ABCA13: variants seen among roughly 807,000 people sequenced by gnomAD.
The protein encoded by ABCA13 is ATP binding cassette subfamily A member 13, also known as ATP-binding cassette sub-family A member 13.
ABCA13 carries 476 observed loss-of-function variants against 478.7 expected under a neutral mutation model. The observed-to-expected ratio is 0.99, with a 90% CI of 0.92 to 1.07. The LOEUF (loss-of-function observed/expected upper bound fraction) is 1.07, where lower values mean the gene tolerates loss of function less well. Among genes scored for constraint, ABCA13 ranks in the 50% least tolerant of loss-of-function variants. The pLI is 0.00. For synonymous variants in ABCA13, 2,252 were observed against 2,158.9 expected (o/e 1.04, Z -1.20); for missense variants, 6,060 against 5,910.6 (o/e 1.03, Z -0.83).
In ABCA13 at chr7:48,251,643, T is replaced by TA. The variant is rs958638472; in HGVS notation, c.2005+2300dup. Among the ~76,000 whole-genome samples the TA allele has an allele frequency of 3.9e-5, 6 of 151,900 alleles. No homozygotes were observed. In the South Asian group the frequency reaches 1.0e-3, roughly 26 times the overall value. ...ACTAGTCTTATTAAGAAACGGAATT[T>TA]AAAAAAAATATTTTTACTAAATATG... On this transcript the variant is annotated intron_variant, in intron 15 of 61. Transcript: ENST00000435803.
chr7:48,396,131 C>G (rs911672731), intron 38 of ABCA13, among the ~76,000 whole-genome samples: 1 of 152,196 alleles, frequency 6.6e-6, no homozygotes, highest in Non-Finnish European at 1.5e-5. Flanking sequence ...TATTACCCTC[C>G]CCTCCACTGC....
intron 3 of ABCA13, among the ~76,000 whole-genome samples, chr7:48,204,872 C>G (rs2128928899): frequency 6.6e-6 from 1 of 152,278 alleles, no homozygotes; most frequent in Admixed American, 6.5e-5. Flanking sequence ...TAGTGGAGAG[C>G]TGGCCCAGGA....
intron 5 of ABCA13, among the ~76,000 whole-genome samples, chr7:48,223,124 T>C (rs550131127): frequency 1.3e-5 from 2 of 152,220 alleles, no homozygotes; most frequent in African/African-American, 4.8e-5. Flanking sequence ...ACCTCAGTAA[T>C]TGGAAAAATG....
intron 1 of ABCA13, among the ~76,000 whole-genome samples, chr7:48,175,767 G>A (rs1330202251): frequency 1.3e-5 from 2 of 152,142 alleles, no homozygotes; most frequent in Admixed American, 6.5e-5. Flanking sequence ...TAGTCATATA[G>A]AGCACTGGAA....
intron 10 of ABCA13, among the ~76,000 whole-genome samples, chr7:48,242,719 G>T (rs191798502): frequency 3.9e-5 from 6 of 152,172 alleles, no homozygotes; most frequent in African/African-American, 9.7e-5. Context: ...AATTCCAGGC[G>T]TGAGCCACCG....
intron 20 of ABCA13, among the ~76,000 whole-genome samples, chr7:48,294,447 G>GTTTTTT (rs1321103452): frequency 3.0e-5 from 4 of 134,228 alleles, no homozygotes; most frequent in Admixed American, 7.5e-5. Flanking sequence ...TTTTTGTTTT[G>GTTTTTT]TTTTTTTTTT....
At chr7:48,457,673 A>G (rs1825820547) in intron 43 of ABCA13, among the ~76,000 whole-genome samples, 1 of 152,208 alleles carries the variant, frequency 6.6e-6, no homozygotes, top group Non-Finnish European at 1.5e-5. Context: ...TATGAAACAG[A>G]GACATTCACA....
chr7:48,234,172 C>T (rs983540467), intron 8 of ABCA13, 21 bp downstream of exon 8: 10 of 1,613,596 alleles, frequency 6.2e-6, no homozygotes, highest in African/African-American at 1.3e-5. Flanking sequence ...TTGACTGCTT[C>T]TCACACCGCT....
chr7:48,476,568 T>G (rs1030843830), intron 45 of ABCA13, among the ~76,000 whole-genome samples: 3 of 152,292 alleles, frequency 2.0e-5, no homozygotes, highest in South Asian at 2.1e-4. Context: ...GAGGGGTTAC[T>G]TACTCCAATG....
intron 29 of ABCA13, among the ~76,000 whole-genome samples, chr7:48,345,128 A>T (rs911681204): frequency 6.6e-6 from 1 of 152,230 alleles, no homozygotes; most frequent in South Asian, 2.1e-4. Context: ...AGAACAACAC[A>T]TTACTCACTT....
At chr7:48,240,592 T>A (rs1204215124) in intron 9 of ABCA13, among the ~76,000 whole-genome samples, 2 of 152,206 alleles carry the variant, frequency 1.3e-5, no homozygotes, top group Admixed American at 1.3e-4. Context: ...TTTAGAGGTG[T>A]ATGTTATTCC....
At chr7:48,413,832 A>AAACT (rs1819592472) in intron 41 of ABCA13, among the ~76,000 whole-genome samples, 1 of 152,244 alleles carries the variant, frequency 6.6e-6, no homozygotes, top group Non-Finnish European at 1.5e-5. Flanking sequence ...GGTTCCCCTG[A>AAACT]AACTCCGTAA....
rs202129234 is a variant in ABCA13, at chr7:48,273,586, A to C, written c.3920A>C (p.Asp1307Ala). ...YIVRNLDSIN[D>A]FLSNNLTNYG... is the part of the protein sequence containing the mutation. The stretch of plus-strand genomic sequence containing the variant: ...GTCAGAAATCTAGATTCAATAAATG[A>C]CTTTCTTTCAAATAATCTCACAAAT... The change falls in exon 17 of 62, where the codon GAC becomes GCC. Residue 1307 changes from aspartate (D) to alanine (A), a missense_variant. Physicochemically the swap from Asp to Ala is moderately radical, Grantham distance 126. Around this residue, in one of 3 missense-constraint regions of ABCA13, gnomAD observed 4,423 missense variants for 4,309.1 expected, o/e 1.03. Coordinates refer to ENST00000435803, the MANE Select transcript of ABCA13 (RefSeq NM_152701.5). 1 of 1,588,276 alleles carries C rather than the reference A, an allele frequency of 6.3e-7. No individual in the cohort carries two copies. The highest frequency in any genetic ancestry group is 1.3e-5 in the African/African-American group (1 of 74,670).
Position 48,295,843 on chromosome 7 carries a change from G to A in ABCA13, c.9099G>A (p.Thr3033=), listed in dbSNP as rs367935118. The change falls in exon 21 of 62, where the codon ACG becomes ACA. Residue 3033 remains threonine, a synonymous_variant. Coordinates refer to ENST00000435803, the MANE Select transcript of ABCA13 (RefSeq NM_152701.5). ...QDCTSQPRLE[T]VQQHLYMLAK... Reference sequence around the variant, plus strand: ...GCACAAGCCAGCCGAGGCTGGAGACGGTGCAGCAGCACTTGTACATGTATG... The same window carrying A: ...GCACAAGCCAGCCGAGGCTGGAGACAGTGCAGCAGCACTTGTACATGTATG... 1.9e-5 allele frequency: 30 copies of A among 1,612,320 alleles called. No homozygotes were observed. The highest frequency in any genetic ancestry group is 3.3e-5 in the Admixed American group (2 of 59,794).
chr7:48,252,135 G>A lies in ABCA13; in HGVS notation c.2005+2784G>A, dbSNP rs898483319. 5.3e-5 allele frequency among the ~76,000 whole-genome samples: 8 copies of A among 151,704 alleles called. No individual in the cohort carries two copies. In the South Asian group the frequency reaches 8.3e-4, roughly 16 times the overall value. ...CTCTCTGCCCCTTTCTCTTTTTCTC[G>A]TCTTCTGCATGTGTACATTGGTTGG... On this transcript the variant is annotated intron_variant, in intron 15 of 61. Transcript: ENST00000435803.
At chr7:48,422,055 C>CAAAAAAAAAAAAAAAAAA (rs4022355) in intron 41 of ABCA13, among the ~76,000 whole-genome samples, 4 of 80,578 alleles carry the variant, frequency 5.0e-5, no homozygotes, top group Non-Finnish European at 9.6e-5. Flanking sequence ...GTCTTTCTTA[C>CAAAAAAAAAAAAAAAAAA]AAAAAAAAAA....
At chr7:48,346,497 C>A (rs1808125438) in intron 29 of ABCA13, among the ~76,000 whole-genome samples, 1 of 151,662 alleles carries the variant, frequency 6.6e-6, no homozygotes, top group Admixed American at 6.6e-5. Flanking sequence ...TTAACAATCT[C>A]CACTTCTCCA....
chr7:48,323,412 G>A (rs552209352), intron 27 of ABCA13, among the ~76,000 whole-genome samples: 1 of 152,326 alleles, frequency 6.6e-6, no homozygotes, highest in African/African-American at 2.4e-5. Flanking sequence ...AGAGTAGACT[G>A]TATGCCAAGC....
chr7:48,499,370 G>A (rs1830541840), intron 48 of ABCA13, among the ~76,000 whole-genome samples: 1 of 152,042 alleles, frequency 6.6e-6, no homozygotes, highest in Admixed American at 6.5e-5. Flanking sequence ...TTTCCTTTTG[G>A]TAGATGCTTA....
Sources: allele counts gnomAD v4.1 joint callset (sites outside exome capture counted in the v4.1 genomes callset), GRCh38; gene constraint gnomAD v4.1.1; regional missense constraint gnomAD v4.1.1; transcripts MANE v1.5; gene names NCBI Gene and HGNC (gene_info 2026-07-23, HGNC 2026-07-21).